IMPACT: variants seen among roughly 807,000 people sequenced by gnomAD.
IMPACT encodes protein IMPACT.
Under a neutral mutation model 47.5 loss-of-function variants are expected in IMPACT, and 35 were observed. The observed-to-expected ratio is 0.74, with a 90% CI of 0.56 to 0.98. IMPACT has a LOEUF of 0.98. Ranked by LOEUF, IMPACT falls within the 50% of genes least tolerant of loss-of-function variation. The pLI is 0.00. For missense variants in IMPACT, 373 were observed against 394.8 expected (o/e 0.94, Z 0.47); for synonymous variants, 118 against 125.6 (o/e 0.94, Z 0.40).
chr18:24,452,826 C>T lies in IMPACT; in HGVS notation c.*1979C>T, dbSNP rs1418738004. The T allele has an allele frequency of 6.6e-6, 1 of 152,080 alleles. No homozygotes were observed. Among genetic ancestry groups the T allele is most frequent in the Non-Finnish European group, 1.5e-5 (1 of 68,026 alleles). The allele number at this position is 152,080 out of a possible 1,614,324, so 9.4% of individuals were successfully genotyped here. Reference sequence around the variant, plus strand: ...ATTTTTTTTTAGAGATGAGTTCTTGCTCTGTCACCTAGGCTGGAGTGCAGT... The same window carrying T: ...ATTTTTTTTTAGAGATGAGTTCTTGTTCTGTCACCTAGGCTGGAGTGCAGT... On this transcript the variant is annotated 3_prime_UTR_variant, in exon 11 of 11. Coordinates refer to ENST00000284202, the MANE Select transcript of IMPACT (RefSeq NM_018439.4).
chr18:24,436,040 T>C (rs2144337382), intron 4 of IMPACT, among the ~76,000 whole-genome samples: 1 of 152,248 alleles, frequency 6.6e-6, no homozygotes, highest in South Asian at 2.1e-4. Context: ...GAAAATGCTC[T>C]AAGAAAAGGG....
intron 6 of IMPACT, 74 bp from the exon 7 acceptor site, chr18:24,442,975 G>T: frequency 2.9e-6 from 2 of 695,816 alleles, no homozygotes; most frequent in Non-Finnish European, 5.0e-6. Flanking sequence ...TTTCCCAGCT[G>T]CCCCCCCATT....
chr18:24,439,698 G>A (rs1286573982), intron 5 of IMPACT: 1 of 151,594 alleles, frequency 6.6e-6, no homozygotes, highest in East Asian at 1.9e-4. Flanking sequence ...TGTAATTGCA[G>A]CTACTTGGGA....
intron 4 of IMPACT, among the ~76,000 whole-genome samples, chr18:24,434,196 A>G (rs1408721829): frequency 6.6e-6 from 1 of 152,082 alleles, no homozygotes; most frequent in African/African-American, 2.4e-5. Context: ...TTAAAAACAT[A>G]AAAATTAACT....
intron 10 of IMPACT, among the ~76,000 whole-genome samples, chr18:24,450,185 C>T (rs1159440271): frequency 2.0e-5 from 3 of 152,154 alleles, no homozygotes; most frequent in East Asian, 1.9e-4. Context: ...CACTTCATCC[C>T]TTCGCACCTT....
At chr18:24,437,508 A>G (rs974273610) in intron 4 of IMPACT, among the ~76,000 whole-genome samples, 58 of 152,212 alleles carry the variant, frequency 3.8e-4, no homozygotes, top group African/African-American at 1.3e-3. Flanking sequence ...CATATGCTTT[A>G]CATTCTTTCT....
rs773897854 is a variant in IMPACT at position 24,449,967 on chromosome 18, C to G, written c.894+14C>G. 2.5e-6 allele frequency: 4 copies of G among 1,611,318 alleles called. No homozygotes were observed. Among genetic ancestry groups the G allele is most frequent in the Admixed American group, 1.7e-5 (1 of 59,848 alleles). On this transcript the variant is annotated intron_variant, in intron 10 of 10. Transcript: ENST00000284202. The stretch of plus-strand genomic sequence containing the variant: ...ACAAATTCACCTGTAAGTGGCTCTT[C>G]GTACTACATCTAGAGAATTTCTCAT...
intron 4 of IMPACT, 81 bp downstream of exon 4, chr18:24,430,465 A>G: frequency 3.0e-6 from 3 of 997,940 alleles, no homozygotes; most frequent in South Asian, 3.3e-5. Context: ...ACCCTTTGTT[A>G]GAACCTCTCT....
At chr18:24,446,798 A>C (rs1020808288) in intron 8 of IMPACT, among the ~76,000 whole-genome samples, 2 of 152,210 alleles carry the variant, frequency 1.3e-5, no homozygotes, top group Non-Finnish European at 2.9e-5. Flanking sequence ...CAATAGGAAA[A>C]TGAGGAATTA....
intron 7 of IMPACT, 140 bp downstream of exon 7, chr18:24,443,292 A>T: frequency 2.1e-6 from 1 of 466,904 alleles, no homozygotes. Flanking sequence ...TCTACTCCCA[A>T]ATTACTGTGA....
intron 3 of IMPACT, 63 bp from the exon 4 acceptor site, chr18:24,430,259 C>A: frequency 9.0e-7 from 1 of 1,109,370 alleles, no homozygotes; most frequent in Non-Finnish European, 1.3e-6. Context: ...GTGATGTAAT[C>A]TGTAATTTGA....
intron 4 of IMPACT, among the ~76,000 whole-genome samples, chr18:24,434,973 C>A (rs1908885520): frequency 6.9e-6 from 1 of 145,910 alleles, no homozygotes; most frequent in Admixed American, 6.8e-5. Flanking sequence ...AGTTGTTGTA[C>A]CTACTTTTTT....
chr18:24,449,910 G>C lies in IMPACT; in HGVS notation c.851G>C (p.Cys284Ser). 1.2e-6 allele frequency: 2 copies of C among 1,613,978 alleles called. No homozygotes were observed. Among genetic ancestry groups the C allele is most frequent in the Non-Finnish European group, 1.7e-6 (2 of 1,179,928 alleles). The change falls in exon 10 of 11, where the codon TGT (cysteine) becomes TCT (serine). Residue 284 changes from cysteine (C) to serine (S), a missense_variant. Cys to Ser is a moderately radical substitution (Grantham distance 112). Coordinates refer to ENST00000284202, the MANE Select transcript of IMPACT (RefSeq NM_018439.4). ...GPDRFKHINNCARNILVEKNY... is the reference protein window; with the variant it reads ...GPDRFKHINNSARNILVEKNY... ...GATCGCTTTAAACATATCAACAACTGTGCCAGAAACATACTAGTGGAAAAG... is the reference window on the plus strand; with the variant it reads ...GATCGCTTTAAACATATCAACAACTCTGCCAGAAACATACTAGTGGAAAAG...
chr18:24,441,661 G>T (rs555681102), intron 6 of IMPACT, among the ~76,000 whole-genome samples: 42 of 152,234 alleles, frequency 2.8e-4, no homozygotes, highest in African/African-American at 8.4e-4. Flanking sequence ...TGAAGGTGAG[G>T]GGTTTCCTGT....
Position 24,450,943 on chromosome 18 carries a change from G to T in IMPACT, c.*96G>T. Reference sequence around the variant, plus strand: ...TTGTGCAGAGAGAGTATCCTTGACTGCTTAAGTCAGCCAGTTCAGCATGGA... The same window carrying T: ...TTGTGCAGAGAGAGTATCCTTGACTTCTTAAGTCAGCCAGTTCAGCATGGA... On this transcript the variant is annotated 3_prime_UTR_variant, in exon 11 of 11. Transcript: ENST00000284202. 1 of 672,810 alleles carries T rather than the reference G, an allele frequency of 1.5e-6. No individual in the cohort carries two copies. The highest frequency in any genetic ancestry group is 2.5e-6 in the Non-Finnish European group (1 of 401,516). 41.7% of individuals were successfully genotyped at this position (672,810 alleles called of 1,614,324 possible).
chr18:24,431,667 C>T (rs1037326460), intron 4 of IMPACT, among the ~76,000 whole-genome samples: 12 of 151,038 alleles, frequency 7.9e-5, no homozygotes, highest in African/African-American at 1.5e-4. Flanking sequence ...TACGTGCCAC[C>T]GTGCCCAGCT....
At chr18:24,428,266 G>C (rs1242063964) in intron 2 of IMPACT, among the ~76,000 whole-genome samples, 1 of 152,182 alleles carries the variant, frequency 6.6e-6, no homozygotes. Context: ...TCATTTAAAA[G>C]TGTTAATGTA....
At position 24,452,127 on chromosome 18, in the gene IMPACT, A is replaced by G. The variant is rs544575954; in HGVS notation, c.*1280A>G. On this transcript the variant is annotated 3_prime_UTR_variant, in exon 11 of 11. Coordinates refer to ENST00000284202, the MANE Select transcript of IMPACT (RefSeq NM_018439.4). Reference sequence around the variant, plus strand: ...CTTTGGGATGGTGCTAGAGCATGGAAAGCACAGAGAATTGGACAAACAGGT... The same window carrying G: ...CTTTGGGATGGTGCTAGAGCATGGAGAGCACAGAGAATTGGACAAACAGGT... The G allele has an allele frequency of 2.6e-4, 39 of 152,318 alleles. No individual in the cohort carries two copies. The highest frequency in any genetic ancestry group is 7.9e-4 in the African/African-American group (33 of 41,564). The allele number at this position is 152,318 out of a possible 1,614,324, so 9.4% of individuals were successfully genotyped here. A position where few individuals can be genotyped will look rare whatever the true frequency, so the allele number is the denominator to read the frequency against.
intron 4 of IMPACT, among the ~76,000 whole-genome samples, chr18:24,436,641 C>G (rs1264045794): frequency 6.6e-6 from 1 of 152,022 alleles, no homozygotes. Flanking sequence ...CTCCACCTCC[C>G]AGGTTCAAGC....
Sources: gnomAD v4.1 joint callset for allele counts (sites outside exome capture counted in the v4.1 genomes callset) on GRCh38, gnomAD v4.1.1 for gene constraint, MANE v1.5 for transcripts, NCBI Gene and HGNC (gene_info 2026-07-23, HGNC 2026-07-21) for gene names.